The following ENOX1 variants were observed in gnomAD, a reference collection of about 807,000 sequenced individuals.
ENOX1 encodes candidate growth-related and time keeping constitutive hydroquinone (NADH) oxidase.
In ENOX1, 42 loss-of-function variants were observed where a neutral mutation model predicts 82.5. The observed-to-expected ratio is 0.51, with a 90% CI of 0.40 to 0.66. ENOX1 has a LOEUF of 0.66. Ranked by LOEUF, ENOX1 falls within the 30% of genes least tolerant of loss-of-function variation. The probability of loss-of-function intolerance (pLI) is 0.00; values close to 1 mark genes in which losing one functional copy is unlikely to be tolerated. For missense variants in ENOX1, 608 were observed against 811.6 expected, an observed-to-expected ratio of 0.75 and a Z score of 3.05; for synonymous variants, 271 against 282.2, an observed-to-expected ratio of 0.96 and a Z score of 0.40.
At chr13:43,691,848 G>A (rs775499790) in intron 1 of ENOX1, among the ~76,000 whole-genome samples, 9 of 151,846 alleles carry the variant, frequency 5.9e-5, no homozygotes, top group Non-Finnish European at 1.2e-4. Flanking sequence ...CTATAGGCAC[G>A]TGCCACCACG....
intron 2 of ENOX1, among the ~76,000 whole-genome samples, chr13:43,586,621 G>A (rs2080998144): frequency 1.3e-5 from 2 of 152,086 alleles, no homozygotes; most frequent in Admixed American, 1.3e-4. Context: ...TCTCATAACC[G>A]CTAGCCTACC....
intron 2 of ENOX1, among the ~76,000 whole-genome samples, chr13:43,584,300 C>A (rs981966631): frequency 2.0e-5 from 3 of 152,238 alleles, no homozygotes; most frequent in Non-Finnish European, 4.4e-5. Context: ...CCCATCCCCC[C>A]ACTATACACA....
At chr13:43,608,561 G>C (rs2082066530) in intron 2 of ENOX1, among the ~76,000 whole-genome samples, 1 of 152,162 alleles carries the variant, frequency 6.6e-6, no homozygotes, top group Non-Finnish European at 1.5e-5. Flanking sequence ...AATAAGCACA[G>C]CTGCAGCTAG....
intron 2 of ENOX1, among the ~76,000 whole-genome samples, chr13:43,519,310 G>A (rs1360391573): frequency 6.6e-6 from 1 of 152,096 alleles, no homozygotes; most frequent in East Asian, 1.9e-4. Flanking sequence ...AACCTTATAT[G>A]CCAGCTTTGA....
intron 9 of ENOX1, among the ~76,000 whole-genome samples, chr13:43,343,637 T>C (rs2049196698): frequency 6.6e-6 from 1 of 152,192 alleles, no homozygotes; most frequent in African/African-American, 2.4e-5. Context: ...AAAGAGGTGA[T>C]AGGCATTTTG....
At chr13:43,455,732 C>G (rs2057195950) in intron 3 of ENOX1, among the ~76,000 whole-genome samples, 1 of 152,150 alleles carries the variant, frequency 6.6e-6, no homozygotes, top group African/African-American at 2.4e-5. Flanking sequence ...ACACTTGAAT[C>G]ATGGGGGGTG....
intron 1 of ENOX1, among the ~76,000 whole-genome samples, chr13:43,751,748 A>G (rs942253129): frequency 1.8e-4 from 28 of 152,186 alleles, no homozygotes; most frequent in African/African-American, 6.5e-4. Context: ...CAGCATGGAT[A>G]GGCTATACTA....
intron 9 of ENOX1, among the ~76,000 whole-genome samples, chr13:43,331,006 A>T (rs939829151): frequency 6.6e-6 from 1 of 152,206 alleles, no homozygotes; most frequent in African/African-American, 2.4e-5. Flanking sequence ...TTTACAGACT[A>T]TCATGAGAAG....
At chr13:43,339,156 T>C (rs2048913688) in intron 9 of ENOX1, among the ~76,000 whole-genome samples, 2 of 152,234 alleles carry the variant, frequency 1.3e-5, no homozygotes, top group Non-Finnish European at 2.9e-5. Flanking sequence ...AGAGGGTAAC[T>C]GATGGACTTT....
At chr13:43,629,365 C>T (rs996455562) in intron 2 of ENOX1, among the ~76,000 whole-genome samples, 3 of 152,154 alleles carry the variant, frequency 2.0e-5, no homozygotes, top group African/African-American at 7.2e-5. Context: ...TTGGTATTCC[C>T]AGCTTGCTAG....
intron 2 of ENOX1, among the ~76,000 whole-genome samples, chr13:43,508,544 A>G (rs1041739646): frequency 1.4e-5 from 2 of 147,970 alleles, no homozygotes; most frequent in Non-Finnish European, 2.9e-5. Flanking sequence ...AAATGAAAGA[A>G]TAAGTATATT....
chr13:43,757,447 G>C (rs533862074), intron 1 of ENOX1, among the ~76,000 whole-genome samples: 1 of 152,192 alleles, frequency 6.6e-6, no homozygotes, highest in Non-Finnish European at 1.5e-5. Flanking sequence ...GACACATGTG[G>C]TTGTGTGGCT....
At chr13:43,364,774 C>T (rs2050743467) in intron 5 of ENOX1, among the ~76,000 whole-genome samples, 1 of 152,110 alleles carries the variant, frequency 6.6e-6, no homozygotes, top group Non-Finnish European at 1.5e-5. Flanking sequence ...AGTAAGTTCC[C>T]CACTTGAGTT....
At chr13:43,751,243 T>C (rs1950296436) in intron 1 of ENOX1, among the ~76,000 whole-genome samples, 1 of 152,226 alleles carries the variant, frequency 6.6e-6, no homozygotes, top group South Asian at 2.1e-4. Context: ...GCCACCCTTG[T>C]AAAGCCTTTA....
chr13:43,243,688 G>A (rs1304969639), intron 14 of ENOX1, among the ~76,000 whole-genome samples: 1 of 152,032 alleles, frequency 6.6e-6, no homozygotes, highest in Non-Finnish European at 1.5e-5. Context: ...ATACCACCAG[G>A]TCAATTTTCT....
rs954020758 is a variant in ENOX1, at chr13:43,288,149, C to A, written c.1446+10197G>T. On this transcript the variant is annotated intron_variant, in intron 12 of 16. Coordinates refer to ENST00000690772, the MANE Select transcript of ENOX1 (RefSeq NM_001347969.2). ...ATGGATAAAAAATGAAATTACAAAC[C>A]CTGGAATAGTTAAAGGAAGACCATG... Among the ~76,000 whole-genome samples the A allele has an allele frequency of 9.2e-5, 14 of 152,200 alleles. No individual in the cohort carries two copies. In the South Asian group the frequency reaches 2.3e-3, roughly 25 times the overall value.
intron 3 of ENOX1, among the ~76,000 whole-genome samples, chr13:43,435,982 G>A (rs181638356): frequency 1.1e-4 from 17 of 151,568 alleles, no homozygotes; most frequent in African/African-American, 2.4e-4. Flanking sequence ...GAGAAAGTGC[G>A]CAGGCAGCTC....
Position 43,360,048 on chromosome 13 carries a change from G to A in ENOX1, c.392C>T (p.Pro131Leu). 6.2e-7 allele frequency: 1 copy of A among 1,614,042 alleles called. No homozygotes were observed. Among genetic ancestry groups the A allele is most frequent in the Non-Finnish European group, 8.5e-7 (1 of 1,179,916 alleles). The change falls in exon 7 of 17, where the codon CCT (proline) becomes CTT (leucine). Residue 131 changes from proline to leucine, a missense_variant. Physicochemically the swap from Pro to Leu is moderately conservative, Grantham distance 98. Coordinates refer to ENST00000690772, the MANE Select transcript of ENOX1 (RefSeq NM_001347969.2). ...AGGAGGTCGTTCTCTTGTGGAAGGA[G>A]GTGGAAGATCTAATAATCACAACAA... is the stretch of plus-strand genomic sequence containing the variant. ...TLFPQNPNLP[P>L]PSTRERPPGC...
Position 43,742,403 on chromosome 13 carries a change from GAGAGACAGAGAGAGAC to G in ENOX1, c.-285+44233_-285+44248del, listed in dbSNP as rs570308486. Among the ~76,000 whole-genome samples the G allele has an allele frequency of 1.1e-4, 17 of 151,070 alleles. No homozygotes were observed. The South Asian group carries it at 2.5e-3, about 22-fold the overall frequency. On this transcript the variant is annotated intron_variant, in intron 1 of 16. Coordinates refer to ENST00000690772, the MANE Select transcript of ENOX1 (RefSeq NM_001347969.2). ...AGGAGAAAATGGATACTCAAGCAAAGAGAGACAGAGAGAGACAGAGACAGAGAGAGACAGTGTGTGT... is the reference window on the plus strand; with the variant it reads ...AGGAGAAAATGGATACTCAAGCAAAGAGAGACAGAGAGAGACAGTGTGTGT...
Sources: allele counts gnomAD v4.1 joint callset (sites outside exome capture counted in the v4.1 genomes callset), GRCh38; gene constraint gnomAD v4.1.1; transcripts MANE v1.5; gene names NCBI Gene and HGNC (gene_info 2026-07-23, HGNC 2026-07-21).